KIRREL3: variants seen among roughly 807,000 people sequenced by gnomAD.
The protein encoded by KIRREL3 is kin of IRRE-like protein 3.
A neutral mutation model predicts 89.7 loss-of-function variants in KIRREL3; 36 were observed. The ratio of observed to expected loss-of-function variants is 0.40; its 90% CI spans 0.31 to 0.53. The LOEUF (loss-of-function observed/expected upper bound fraction) is 0.53, where lower values mean the gene tolerates loss of function less well. KIRREL3 is among the 20% of genes least tolerant of loss of function. The pLI is 0.49. For synonymous variants in KIRREL3, 445 were observed against 441.4 expected, an observed-to-expected ratio of 1.01 and a Z score of -0.10; for missense variants, 864 against 1,056.6, an observed-to-expected ratio of 0.82 and a Z score of 2.53.
chr11:126,973,168 G>C (rs915251043), intron 1 of KIRREL3, among the ~76,000 whole-genome samples: 1 of 97,770 alleles, frequency 1.0e-5, no homozygotes, highest in Non-Finnish European at 2.0e-5. Flanking sequence ...TGTTAGTCAC[G>C]GGTTTCTGAA....
intron 12 of KIRREL3, 145 bp downstream of exon 12, chr11:126,436,666 A>T: frequency 1.2e-6 from 1 of 830,228 alleles, no homozygotes; most frequent in Non-Finnish European, 1.9e-6. Flanking sequence ...CTGGCTGGCT[A>T]GGCTGTGTGG....
At chr11:126,762,158 G>T (rs1318790039) in intron 1 of KIRREL3, among the ~76,000 whole-genome samples, 2 of 121,176 alleles carry the variant, frequency 1.7e-5, no homozygotes, top group East Asian at 4.0e-4. Context: ...TTGGGTGACA[G>T]AGTGAGACTG....
At position 126,969,654 on chromosome 11, in the gene KIRREL3, G is replaced by A. The variant is rs1193585509; in HGVS notation, c.55+30801C>T. ...GGAAAGACCTGTGAGAAGTGAAAAG[G>A]CTCGGGTGAACTGTGATGGTAGCCA... is the stretch of plus-strand genomic sequence containing the variant. On this transcript the variant is annotated intron_variant, in intron 1 of 16. Transcript: ENST00000525144. This position sits in a 1 kb window ranked among gnomAD's most constrained non-coding sequence, Gnocchi z 4.9. Among the ~76,000 whole-genome samples, 2 of 152,144 alleles carry A rather than the reference G, an allele frequency of 1.3e-5. No individual in the cohort carries two copies. Among genetic ancestry groups the A allele is most frequent in the East Asian group, 3.9e-4 (2 of 5,178 alleles).
intron 1 of KIRREL3, among the ~76,000 whole-genome samples, chr11:126,888,937 A>C (rs1418113952): frequency 1.3e-5 from 2 of 152,224 alleles, no homozygotes; most frequent in Non-Finnish European, 2.9e-5. Context: ...AGGCCTTATC[A>C]TTCCCATTTT....
At chr11:126,577,686 C>T (rs1044749726) in intron 1 of KIRREL3, among the ~76,000 whole-genome samples, 3 of 151,686 alleles carry the variant, frequency 2.0e-5, no homozygotes, top group East Asian at 1.9e-4. Context: ...GGCTTGAACC[C>T]GGGAAGCGGA....
At position 126,689,936 on chromosome 11, in the gene KIRREL3, G is replaced by A; in HGVS notation, c.56-127024C>T. On this transcript the variant is annotated intron_variant, in intron 1 of 16. Coordinates refer to ENST00000525144, the MANE Select transcript of KIRREL3 (RefSeq NM_032531.4). This position sits in a 1 kb window ranked among gnomAD's most constrained non-coding sequence, Gnocchi z 5.2. ...GCTAGTTAGTGAAACAGGGATGGGA[G>A]TGTGAGAGTTGATGCTTCTTTTAGA... Among the ~76,000 whole-genome samples, 1 of 152,228 alleles carries A rather than the reference G, an allele frequency of 6.6e-6. No homozygotes were observed. The highest frequency in any genetic ancestry group is 1.9e-4 in the East Asian group (1 of 5,198).
In KIRREL3 at chr11:126,558,868, G is replaced by A. The variant is rs1434000525; in HGVS notation, c.133+3967C>T. 6.6e-6 allele frequency among the ~76,000 whole-genome samples: 1 copy of A among 152,150 alleles called. No homozygotes were observed. The highest frequency in any genetic ancestry group is 1.5e-5 in the Non-Finnish European group (1 of 68,030). On this transcript the variant is annotated intron_variant, in intron 2 of 16. Transcript: ENST00000525144. This position sits in a 1 kb window ranked among gnomAD's most constrained non-coding sequence, Gnocchi z 4.0. ...TGTGCATGTGTATACATGTGTGCAGGTGTGTGCATGCATGTGTGCATGTAT... is the reference window on the plus strand; with the variant it reads ...TGTGCATGTGTATACATGTGTGCAGATGTGTGCATGCATGTGTGCATGTAT...
chr11:126,831,122 T>C (rs1287176427), intron 1 of KIRREL3, among the ~76,000 whole-genome samples: 3 of 152,208 alleles, frequency 2.0e-5, no homozygotes, highest in Non-Finnish European at 4.4e-5. Flanking sequence ...TCTGCACCTA[T>C]AAAACAGGGA....
At chr11:126,469,803 G>GC (rs1230840523) in intron 5 of KIRREL3, among the ~76,000 whole-genome samples, 4 of 152,256 alleles carry the variant, frequency 2.6e-5, no homozygotes, top group Admixed American at 6.5e-5. Context: ...AGGGTCTCAG[G>GC]CCTCTGCTGC....
intron 1 of KIRREL3, among the ~76,000 whole-genome samples, chr11:126,915,988 G>C (rs997286369): frequency 1.3e-5 from 2 of 152,184 alleles, no homozygotes; most frequent in African/African-American, 4.8e-5. Flanking sequence ...CCACAGAACA[G>C]TCTCCAGCAC....
chr11:126,686,410 C>T lies in KIRREL3; in HGVS notation c.56-123498G>A, dbSNP rs756297576. 6.6e-6 allele frequency among the ~76,000 whole-genome samples: 1 copy of T among 152,058 alleles called. No individual in the cohort carries two copies. The highest frequency in any genetic ancestry group is 1.5e-5 in the Non-Finnish European group (1 of 68,024). On this transcript the variant is annotated intron_variant, in intron 1 of 16. Coordinates refer to ENST00000525144, the MANE Select transcript of KIRREL3 (RefSeq NM_032531.4). This position sits in a 1 kb window ranked among gnomAD's most constrained non-coding sequence, Gnocchi z 4.7. ...GAGCTGCAGAGACAGAAGACACCATCCTATTTTTATAAGCCTTGTGGGTCT... is the reference window on the plus strand; with the variant it reads ...GAGCTGCAGAGACAGAAGACACCATTCTATTTTTATAAGCCTTGTGGGTCT...
chr11:126,601,130 A>G lies in KIRREL3; in HGVS notation c.56-38218T>C, dbSNP rs1298445146. ...GCCAAAGCACAGAGCAATCTTTCCA[A>G]TCTAGGAAGCAATAAAGAAATGTAT... On this transcript the variant is annotated intron_variant, in intron 1 of 16. Transcript: ENST00000525144. The surrounding 1 kb of genome is among the most constrained non-coding windows in gnomAD (Gnocchi z 5.8). 2.6e-5 allele frequency among the ~76,000 whole-genome samples: 4 copies of G among 151,868 alleles called. No homozygotes were observed. Among genetic ancestry groups the G allele is most frequent in the African/African-American group, 9.7e-5 (4 of 41,316 alleles).
chr11:126,808,327 A>G lies in KIRREL3; in HGVS notation c.55+192128T>C, dbSNP rs1265121666. ...CCATGACCTGTTTTTGGCAAGCTAC[A>G]ATGGGGGTGCAGCTTTCAAGGAGTC... On this transcript the variant is annotated intron_variant, in intron 1 of 16. Transcript: ENST00000525144. This position sits in a 1 kb window ranked among gnomAD's most constrained non-coding sequence, Gnocchi z 4.1. Among the ~76,000 whole-genome samples the G allele has an allele frequency of 2.0e-5, 3 of 152,188 alleles. No individual in the cohort carries two copies. Among genetic ancestry groups the G allele is most frequent in the Non-Finnish European group, 4.4e-5 (3 of 68,020 alleles).
rs1265458658 is a variant in KIRREL3 at position 126,561,395 on chromosome 11, T to C, written c.133+1440A>G. 6.6e-6 allele frequency among the ~76,000 whole-genome samples: 1 copy of C among 152,190 alleles called. No homozygotes were observed. The highest frequency in any genetic ancestry group is 1.5e-5 in the Non-Finnish European group (1 of 68,000). On this transcript the variant is annotated intron_variant, in intron 2 of 16. Coordinates refer to ENST00000525144, the MANE Select transcript of KIRREL3 (RefSeq NM_032531.4). This position sits in a 1 kb window ranked among gnomAD's most constrained non-coding sequence, Gnocchi z 4.5. ...TGGGTTTCAATTCCAGCCCAGCTCCTGACTTTTTGGCTTCCCCAATCCCTA... is the reference window on the plus strand; with the variant it reads ...TGGGTTTCAATTCCAGCCCAGCTCCCGACTTTTTGGCTTCCCCAATCCCTA...
chr11:126,707,432 CTT>C lies in KIRREL3; in HGVS notation c.56-144522_56-144521del, dbSNP rs201319941. Among the ~76,000 whole-genome samples, 1,074 of 152,250 alleles carry C rather than the reference CTT, an allele frequency of 7.1e-3. 5 individuals are homozygous for C. The highest frequency in any genetic ancestry group is 0.012 in the Non-Finnish European group (808 of 68,006). ...CAAATGTCTAGCTAGTTCCCCATAG[CTT>C]TCATTGATCATTGATTTATCCCCCA... On this transcript the variant is annotated intron_variant, in intron 1 of 16. Transcript: ENST00000525144.
chr11:126,496,066 G>C lies in KIRREL3; in HGVS notation c.434-22600C>G, dbSNP rs1284436019. Among the ~76,000 whole-genome samples, 2 of 152,182 alleles carry C rather than the reference G, an allele frequency of 1.3e-5. No individual in the cohort carries two copies. Among genetic ancestry groups the C allele is most frequent in the Non-Finnish European group, 2.9e-5 (2 of 68,034 alleles). ...AGCCCCTCCTATGTCTGATTGCAGA[G>C]ATCCAGAACCATTCAGCTAAGCCAG... On this transcript the variant is annotated intron_variant, in intron 4 of 16. Coordinates refer to ENST00000525144, the MANE Select transcript of KIRREL3 (RefSeq NM_032531.4). The surrounding 1 kb of genome is among the most constrained non-coding windows in gnomAD (Gnocchi z 4.9).
upstream of KIRREL3, among the ~76,000 whole-genome samples, chr11:127,002,037 T>A (rs553924562): frequency 6.6e-6 from 1 of 152,336 alleles, no homozygotes; most frequent in Admixed American, 6.5e-5. Flanking sequence ...TAGCCTTTCC[T>A]CTTTCAGTAG....
intron 4 of KIRREL3, among the ~76,000 whole-genome samples, chr11:126,502,941 G>A (rs1381560042): frequency 6.6e-6 from 1 of 152,198 alleles, no homozygotes; most frequent in Non-Finnish European, 1.5e-5. Flanking sequence ...GTGAGCTGGT[G>A]TGCGGCTCAG....
intron 1 of KIRREL3, among the ~76,000 whole-genome samples, chr11:126,584,051 C>T (rs552544936): frequency 2.0e-5 from 3 of 152,294 alleles, no homozygotes; most frequent in African/African-American, 2.4e-5. Context: ...TGACATTCAG[C>T]GTGCACAATC....
Sources: allele counts gnomAD v4.1 joint callset (sites outside exome capture counted in the v4.1 genomes callset), GRCh38; gene constraint gnomAD v4.1.1; non-coding constraint Gnocchi (gnomAD v3.1); transcripts MANE v1.5; gene names NCBI Gene and HGNC (gene_info 2026-07-23, HGNC 2026-07-21).